OR7C1: variants seen among roughly 807,000 people sequenced by gnomAD.
OR7C1 encodes the protein olfactory receptor family 7 subfamily C member 1.
For synonymous variants in OR7C1, 152 were observed against 160.7 expected, an observed-to-expected ratio of 0.95 and a Z score of 0.41; for missense variants, 324 against 383.3, an observed-to-expected ratio of 0.85 and a Z score of 1.29.
At chr19:14,799,652 G>C (rs776495911) in exon 5 of OR7C1, 1 of 1,614,108 alleles carries the variant, frequency 6.2e-7, no homozygotes, top group Non-Finnish European at 8.5e-7. Flanking sequence ...CCTCAAAACA[G>C]TCAAGGTCTC....
At chr19:14,834,123 A>C (rs895022583) in intron 1 of OR7C1, among the ~76,000 whole-genome samples, 1 of 152,132 alleles carries the variant, frequency 6.6e-6, no homozygotes, top group Non-Finnish European at 1.5e-5. Flanking sequence ...TTAGCCTAGC[A>C]TGGTGGTGCA....
At chr19:14,828,274 A>G (rs1204520353) in intron 1 of OR7C1, 2 of 1,575,216 alleles carry the variant, frequency 1.3e-6, no homozygotes, top group South Asian at 2.4e-5. Flanking sequence ...AGAGAGAGAG[A>G]AAGAGGGAAA....
rs571222489 is a variant in OR7C1 at position 14,807,815 on chromosome 19, G to A, written c.-435+1991C>T. On this transcript the variant is annotated intron_variant, in intron 2 of 4. Transcript: ENST00000641666. ...GGAGGCTGAGGAAGGAGAATGGCGT[G>A]AACCCAGGAGGCGGAGCTTGCAGTG... Among the ~76,000 whole-genome samples, 76 of 151,572 alleles carry A rather than the reference G, an allele frequency of 5.0e-4. 1 individual carries two copies. Among genetic ancestry groups the A allele is most frequent in the Admixed American group, 9.8e-4 (15 of 15,260 alleles).
At chr19:14,824,067 C>T (rs549840535) in intron 1 of OR7C1, among the ~76,000 whole-genome samples, 101 of 152,110 alleles carry the variant, frequency 6.6e-4, no homozygotes, top group African/African-American at 2.3e-3. Context: ...AAACAAAGTC[C>T]CCAGATTTTC....
intron 1 of OR7C1, among the ~76,000 whole-genome samples, chr19:14,832,023 C>T (rs992651317): frequency 3.9e-5 from 6 of 152,078 alleles, no homozygotes; most frequent in Non-Finnish European, 7.4e-5. Context: ...ATACTCATGC[C>T]TCAGCTTCTT....
At chr19:14,801,954 G>A (rs2044644033) in intron 2 of OR7C1, among the ~76,000 whole-genome samples, 1 of 152,120 alleles carries the variant, frequency 6.6e-6, no homozygotes, top group African/African-American at 2.4e-5. Flanking sequence ...CTCAACCTTG[G>A]GGATTATAAT....
chr19:14,799,400 G>A, exon 5 of OR7C1: 3 of 1,614,188 alleles, frequency 1.9e-6, no homozygotes, highest in Non-Finnish European at 2.5e-6. Context: ...GGTGACCACT[G>A]AGAGGTGGGA....
At chr19:14,809,406 T>A (rs972451070) in intron 2 of OR7C1, among the ~76,000 whole-genome samples, 1 of 151,734 alleles carries the variant, frequency 6.6e-6, no homozygotes, top group Non-Finnish European at 1.5e-5. Flanking sequence ...TGTGCCAGAT[T>A]GAAAGCAAGA....
intron 1 of OR7C1, among the ~76,000 whole-genome samples, chr19:14,820,480 A>G (rs1469444411): frequency 6.6e-6 from 1 of 152,116 alleles, no homozygotes; most frequent in Non-Finnish European, 1.5e-5. Flanking sequence ...ACGGGTTGAC[A>G]GGTGCAGCAA....
In OR7C1 at chr19:14,815,302, C is replaced by T. The variant is rs537053480; in HGVS notation, c.-622-5309G>A. Among the ~76,000 whole-genome samples, 3 of 152,318 alleles carry T rather than the reference C, an allele frequency of 2.0e-5. No individual in the cohort carries two copies. The East Asian group carries it at 5.8e-4, about 29-fold the overall frequency. On this transcript the variant is annotated intron_variant, in intron 1 of 4. Transcript: ENST00000641666. ...TGAGGGATAGGGTCTACTTGTAATACATTTAAATGTTAAAGTCTCCACTCC... is the reference window on the plus strand; with the variant it reads ...TGAGGGATAGGGTCTACTTGTAATATATTTAAATGTTAAAGTCTCCACTCC...
At chr19:14,834,887 C>G (rs1277394340) in intron 1 of OR7C1, among the ~76,000 whole-genome samples, 187 bp downstream of exon 1, 3 of 152,134 alleles carry the variant, frequency 2.0e-5, no homozygotes, top group Non-Finnish European at 2.9e-5. Context: ...GTTCAGTGTT[C>G]ACTTTTCTTT....
chr19:14,805,652 C>T (rs4499351), intron 2 of OR7C1, among the ~76,000 whole-genome samples: 2,118 of 151,680 alleles, frequency 0.014, 80 homozygotes, highest in African/African-American at 0.048. Flanking sequence ...TGACCTCAAG[C>T]GATCCACTTT....
At chr19:14,829,015 G>A (rs1402501316) in intron 1 of OR7C1, among the ~76,000 whole-genome samples, 1 of 152,134 alleles carries the variant, frequency 6.6e-6, no homozygotes, top group Non-Finnish European at 1.5e-5. Flanking sequence ...CAGGTAAAAA[G>A]GAGGGAGGGT....
chr19:14,815,886 A>G (rs1275707737), intron 1 of OR7C1, among the ~76,000 whole-genome samples: 1 of 151,516 alleles, frequency 6.6e-6, no homozygotes, highest in South Asian at 2.1e-4. Flanking sequence ...CAGTGGTGCA[A>G]TCATGGCTCA....
intron 1 of OR7C1, among the ~76,000 whole-genome samples, chr19:14,821,255 CA>C (rs1018733332): frequency 6.6e-6 from 1 of 151,934 alleles, no homozygotes; most frequent in African/African-American, 2.4e-5. Context: ...AAAATAAAAA[CA>C]AAAACAAAAC....
intron 2 of OR7C1, among the ~76,000 whole-genome samples, chr19:14,803,858 TG>T (rs1347319737): frequency 6.6e-6 from 1 of 151,866 alleles, no homozygotes; most frequent in Non-Finnish European, 1.5e-5. Context: ...TACAGGCGCG[TG>T]CCACAAAGCC....
At position 14,799,825 on chromosome 19, in the gene OR7C1, GAA is replaced by G. The variant is rs534928853; in HGVS notation, c.310_311del (p.Phe104HisfsTer17). On this transcript the variant is annotated frameshift_variant, in exon 5 of 5. Transcript: ENST00000641666. LOFTEE classifies it low-confidence loss of function (END_TRUNC). ...AATTGTCCAGGCATCCAAATGAAGT[GAA>G]AAAAAAAATCTGACTGAGACAGCCT... is the stretch of plus-strand genomic sequence containing the variant. 4.6e-6 allele frequency: 7 copies of G among 1,509,986 alleles called. No individual in the cohort carries two copies. The South Asian group carries it at 8.4e-5, about 18-fold the overall frequency. 93.5% of individuals were successfully genotyped at this position (1,509,986 alleles called of 1,614,324 possible). A position where few individuals can be genotyped will look rare whatever the true frequency, so the allele number is the denominator to read the frequency against.
At chr19:14,812,899 A>G (rs1157231044) in intron 1 of OR7C1, among the ~76,000 whole-genome samples, 3 of 151,700 alleles carry the variant, frequency 2.0e-5, no homozygotes, top group Non-Finnish European at 4.4e-5. Flanking sequence ...CCCCATCTCT[A>G]CTAAATATAC....
At position 14,828,066 on chromosome 19, in the gene OR7C1, A is replaced by C. The variant is rs183738487; in HGVS notation, c.-623+7008T>G. The C allele has an allele frequency of 3.6e-4, 577 of 1,614,202 alleles. 6 individuals are homozygous for C. Among genetic ancestry groups the C allele is most frequent in the Admixed American group, 9.8e-4 (59 of 60,024 alleles). On this transcript the variant is annotated intron_variant, in intron 1 of 4. Transcript: ENST00000641666. Reference sequence around the variant, plus strand: ...GGACAGGTTGGAGAGGAAGAAGTACATGGGGGTGTGGAGGTGGGAGTCTGA... The same window carrying C: ...GGACAGGTTGGAGAGGAAGAAGTACCTGGGGGTGTGGAGGTGGGAGTCTGA...
Sources: allele counts gnomAD v4.1 joint callset (sites outside exome capture counted in the v4.1 genomes callset), GRCh38; gene constraint gnomAD v4.1.1; transcripts MANE v1.5; gene names NCBI Gene and HGNC (gene_info 2026-07-23, HGNC 2026-07-21).